Variants in GPBP1L1 observed in about 807,000 individuals in gnomAD.
GPBP1L1 encodes vasculin-like protein 1.
Under a neutral mutation model 52.5 loss-of-function variants are expected in GPBP1L1, and 23 were observed. The ratio of observed to expected loss-of-function variants is 0.44; its 90% confidence interval spans 0.32 to 0.62. The LOEUF (loss-of-function observed/expected upper bound fraction) is 0.62, where lower values mean the gene tolerates loss of function less well. Ranked by LOEUF, GPBP1L1 falls within the 20% of genes least tolerant of loss-of-function variation. The pLI is 0.06. For missense variants in GPBP1L1, 596 were observed against 579.3 expected (o/e 1.03, Z -0.30); for synonymous variants, 243 against 203.1 (o/e 1.20, Z -1.67).
chr1:45,641,179 C>T (rs1449569766), intron 7 of GPBP1L1, among the ~76,000 whole-genome samples: 2 of 152,086 alleles, frequency 1.3e-5, no homozygotes, highest in African/African-American at 2.4e-5. Flanking sequence ...GAAGGTACAT[C>T]GATCAATCTT....
At chr1:45,666,201 T>C (rs3014232) in intron 2 of GPBP1L1, among the ~76,000 whole-genome samples, 35,956 of 151,400 alleles carry the variant, frequency 0.24, 4,537 homozygotes, top group African/African-American at 0.29. Context: ...GCAACCTCCA[T>C]CCCCCAGTGG....
In GPBP1L1 at chr1:45,629,666, A is replaced by G; in HGVS notation, c.1182T>C (p.Ala394=). 1 of 1,608,960 alleles carries G rather than the reference A, an allele frequency of 6.2e-7. No homozygotes were observed. Among genetic ancestry groups the G allele is most frequent in the Non-Finnish European group, 8.5e-7 (1 of 1,175,248 alleles). The change falls in exon 12 of 13, where the codon GCT becomes GCC. Residue 394 remains alanine (A), a synonymous_variant. Transcript: ENST00000355105. ...TTTCAGGATATTCCTGCCAACCCAT[A>G]GCTTTCAATAACCTGGTGGACGCAG... ...SLEAEHRLLK[A]MGWQEYPEND...
chr1:45,632,036 C>T (rs1644537651), intron 10 of GPBP1L1, among the ~76,000 whole-genome samples: 1 of 152,126 alleles, frequency 6.6e-6, no homozygotes, highest in Non-Finnish European at 1.5e-5. Context: ...GCCTGACCAA[C>T]ATGGTGAAAC....
At chr1:45,654,961 T>C (rs1644867158) in intron 5 of GPBP1L1, 132 bp from the exon 6 acceptor site, 1 of 1,043,752 alleles carries the variant, frequency 9.6e-7, no homozygotes, top group African/African-American at 1.6e-5. Flanking sequence ...GTATCTTTTC[T>C]TTGTGAGGTA....
At position 45,646,907 on chromosome 1, in the gene GPBP1L1, G is replaced by A. The variant is rs371494525; in HGVS notation, c.478-4408C>T. Among the ~76,000 whole-genome samples, 24 of 152,016 alleles carry A rather than the reference G, an allele frequency of 1.6e-4. No homozygotes were observed. The East Asian group carries it at 3.9e-3, about 24-fold the overall frequency. On this transcript the variant is annotated intron_variant, in intron 6 of 12. Coordinates refer to ENST00000355105, the MANE Select transcript of GPBP1L1 (RefSeq NM_021639.5). The stretch of plus-strand genomic sequence containing the variant: ...TTATTTTGGTTTTCTTTCTGGGGGC[G>A]GGGTGGGAAGATCCTATTATATATC...
At chr1:45,665,154 G>A (rs866701167) in intron 2 of GPBP1L1, among the ~76,000 whole-genome samples, 12 of 152,206 alleles carry the variant, frequency 7.9e-5, no homozygotes, top group African/African-American at 2.6e-4. Context: ...GCTGGGTGTC[G>A]TGGCTGGCAC....
At position 45,627,608 on chromosome 1, in the gene GPBP1L1, CT is replaced by C. The variant is rs1475976654; in HGVS notation, c.*647del. The C allele has an allele frequency of 6.6e-6, 1 of 152,230 alleles. No homozygotes were observed. The highest frequency in any genetic ancestry group is 2.4e-5 in the African/African-American group (1 of 41,304). The allele number at this position is 152,230 out of a possible 1,614,324, so 9.4% of individuals were successfully genotyped here. ...ATAATGTTATCAAAATAATCTTAAT[CT>C]TTGAAATCTCACAAAAATTTATATT... is the stretch of plus-strand genomic sequence containing the variant. On this transcript the variant is annotated 3_prime_UTR_variant, in exon 13 of 13. Transcript: ENST00000355105.
At chr1:45,663,849 T>A (rs1415108000) in intron 2 of GPBP1L1, among the ~76,000 whole-genome samples, 1 of 152,224 alleles carries the variant, frequency 6.6e-6, no homozygotes, top group Non-Finnish European at 1.5e-5. Context: ...TTTAGTGATG[T>A]CTTTTAGGGC....
chr1:45,650,263 A>G (rs935541351), intron 6 of GPBP1L1, among the ~76,000 whole-genome samples: 1 of 152,116 alleles, frequency 6.6e-6, no homozygotes, highest in Non-Finnish European at 1.5e-5. Flanking sequence ...TTTATTCTCC[A>G]AAGAGTAGTG....
chr1:45,640,306 T>C lies in GPBP1L1; in HGVS notation c.648A>G (p.Ser216=). The stretch of plus-strand genomic sequence containing the variant: ...TCCCATTTGCATGGTGAGATCCTGG[T>C]GAGGTGAATGCAGCAGAGAAGGCAG... The part of the protein sequence containing the change: ...PAAAFSAAFT[S]PGSHHANGNK... The change falls in exon 8 of 13, where the codon TCA becomes TCG. Residue 216 remains serine (S), a synonymous_variant. Coordinates refer to ENST00000355105, the MANE Select transcript of GPBP1L1 (RefSeq NM_021639.5). The C allele has an allele frequency of 6.2e-7, 1 of 1,614,046 alleles. No homozygotes were observed. The highest frequency in any genetic ancestry group is 8.5e-7 in the Non-Finnish European group (1 of 1,179,930).
chr1:45,629,388 T>A (rs1644498257), intron 12 of GPBP1L1, among the ~76,000 whole-genome samples, 188 bp downstream of exon 12: 1 of 151,408 alleles, frequency 6.6e-6, no homozygotes, highest in South Asian at 2.1e-4. Context: ...GGTTTTTGTA[T>A]ATAACACTGG....
chr1:45,665,251 G>T (rs1644996079), intron 2 of GPBP1L1, among the ~76,000 whole-genome samples: 1 of 151,638 alleles, frequency 6.6e-6, no homozygotes, highest in African/African-American at 2.4e-5. Context: ...GCCATTGCAG[G>T]CTGAGGGAGA....
At chr1:45,658,284 C>T (rs1170663306) in intron 4 of GPBP1L1, among the ~76,000 whole-genome samples, 5 of 152,158 alleles carry the variant, frequency 3.3e-5, no homozygotes, top group African/African-American at 1.2e-4. Context: ...CATCTATCGC[C>T]ATAAACAAAT....
chr1:45,647,370 A>G (rs1292015982), intron 6 of GPBP1L1, among the ~76,000 whole-genome samples: 1 of 151,924 alleles, frequency 6.6e-6, no homozygotes, highest in African/African-American at 2.4e-5. Flanking sequence ...TCTGGATTAT[A>G]TTTCCAACAG....
Position 45,628,364 on chromosome 1 carries a change from G to A in GPBP1L1, c.1317C>T (p.Arg439=), listed in dbSNP as rs368807443. The A allele has an allele frequency of 4.7e-5, 76 of 1,614,094 alleles. No homozygotes were observed. Among genetic ancestry groups the A allele is most frequent in the Non-Finnish European group, 6.1e-5 (72 of 1,180,018 alleles). Residue 439 remains arginine (R), a synonymous_variant, in exon 13 of 13, where the codon CGC becomes CGT. Transcript: ENST00000355105. ...GFGKNGFLQS[R]SSSLFSPWRS... is the part of the protein sequence containing the mutation. The stretch of plus-strand genomic sequence containing the variant: ...TCCAAGGGGAGAACAGACTGGAACT[G>A]CGGCTCTGCAAGAAGCCATTCTTTC...
intron 6 of GPBP1L1, among the ~76,000 whole-genome samples, chr1:45,647,508 T>C (rs1644765278): frequency 6.6e-6 from 1 of 152,198 alleles, no homozygotes; most frequent in Non-Finnish European, 1.5e-5. Flanking sequence ...TGAGCAAAAA[T>C]GTGCCTGGAC....
At chr1:45,657,708 C>G (rs998367267) in intron 4 of GPBP1L1, among the ~76,000 whole-genome samples, 1 of 151,972 alleles carries the variant, frequency 6.6e-6, no homozygotes, top group Non-Finnish European at 1.5e-5. Flanking sequence ...AAAAAGTTAG[C>G]TGGGCATGGT....
rs200023580 is a variant in GPBP1L1 at position 45,665,209 on chromosome 1, G to C, written c.-1097-3984C>G. 1.6e-4 allele frequency among the ~76,000 whole-genome samples: 24 copies of C among 152,186 alleles called. No homozygotes were observed. The East Asian group carries it at 4.7e-3, about 30-fold the overall frequency. On this transcript the variant is annotated intron_variant, in intron 2 of 12. Coordinates refer to ENST00000355105, the MANE Select transcript of GPBP1L1 (RefSeq NM_021639.5). ...GGAGGCTGAGGCAGGAGAATTGCTT[G>C]AACTCGGGAGGTTGAAGTGAGCCGA... is the stretch of plus-strand genomic sequence containing the variant.
At chr1:45,672,677 A>G (rs1016198934) in intron 2 of GPBP1L1, among the ~76,000 whole-genome samples, 1 of 152,218 alleles carries the variant, frequency 6.6e-6, no homozygotes, top group African/African-American at 2.4e-5. Flanking sequence ...GAGATCATCA[A>G]CAAAGTGAAC....
Sources: gnomAD v4.1 joint callset for allele counts (sites outside exome capture counted in the v4.1 genomes callset) on GRCh38, gnomAD v4.1.1 for gene constraint, MANE v1.5 for transcripts, NCBI Gene and HGNC (gene_info 2026-07-23, HGNC 2026-07-21) for gene names.